The following HTR2C variants were observed in gnomAD, a reference collection of about 807,000 sequenced individuals.
HTR2C encodes the protein 5-hydroxytryptamine receptor 2C, also known as 5-hydroxytryptamine (serotonin) receptor 2C, G protein-coupled.
A neutral mutation model predicts 21.0 loss-of-function variants in HTR2C; 5 were observed. The ratio of observed to expected loss-of-function variants is 0.24; its 90% CI spans 0.12 to 0.50. The LOEUF (loss-of-function observed/expected upper bound fraction) is 0.50, where lower values mean the gene tolerates loss of function less well. Among genes scored for constraint, HTR2C ranks in the 20% least tolerant of loss-of-function variants. HTR2C has a pLI of 0.98. For synonymous variants in HTR2C, 150 were observed against 145.3 expected (o/e 1.03, Z -0.23); for missense variants, 271 against 371.2 (o/e 0.73, Z 2.22).
chrX:114,641,647 T>A (rs1161750020), intron 2 of HTR2C, among the ~76,000 whole-genome samples: 1 of 112,269 alleles, frequency 8.9e-6, no homozygotes, highest in East Asian at 2.8e-4. Context: ...CTCATTAAAA[T>A]TCAAATTGCT....
At chrX:114,649,691 C>T (rs1361285467) in intron 2 of HTR2C, among the ~76,000 whole-genome samples, 2 of 111,079 alleles carry the variant, frequency 1.8e-5, no homozygotes, top group Non-Finnish European at 3.8e-5. Flanking sequence ...TCTCGGCTCT[C>T]TGCAACCTCT....
chrX:114,589,905 G>A, intron 1 of HTR2C: 1 of 300,384 alleles, frequency 3.3e-6, no homozygotes, highest in Non-Finnish European at 6.2e-6. Flanking sequence ...GAAGAGATAA[G>A]AAGAGAAAGG....
At chrX:114,823,371 AT>A in intron 4 of HTR2C, 2 of 336,152 alleles carry the variant, frequency 5.9e-6, no homozygotes, top group South Asian at 5.2e-5. Context: ...TCATGACAGC[AT>A]TTACACAGAG....
intron 4 of HTR2C, among the ~76,000 whole-genome samples, chrX:114,788,572 G>T (rs2070201125): frequency 9.0e-6 from 1 of 110,858 alleles, no homozygotes; most frequent in South Asian, 3.8e-4. Flanking sequence ...CCATGAGTAT[G>T]GATTCTAATA....
intron 2 of HTR2C, among the ~76,000 whole-genome samples, chrX:114,644,642 T>C (rs1442429318): frequency 1.9e-5 from 2 of 107,571 alleles, no homozygotes; most frequent in Non-Finnish European, 3.8e-5. Flanking sequence ...CACCTACTTA[T>C]GGGATCTGAA....
chrX:114,609,577 A>G (rs782221791), intron 1 of HTR2C, among the ~76,000 whole-genome samples: 2 of 111,660 alleles, frequency 1.8e-5, no homozygotes, highest in Non-Finnish European at 3.8e-5. Flanking sequence ...TCTATTTGAC[A>G]TGACACAGTG....
intron 5 of HTR2C, among the ~76,000 whole-genome samples, chrX:114,859,625 A>G (rs1461841091): frequency 1.8e-5 from 2 of 109,677 alleles, no homozygotes; most frequent in African/African-American, 6.6e-5. Flanking sequence ...TTTTTTTTTA[A>G]CTTCTCCAAG....
intron 5 of HTR2C, among the ~76,000 whole-genome samples, chrX:114,850,373 C>T (rs1175356175): frequency 1.7e-4 from 19 of 110,938 alleles, no homozygotes; most frequent in South Asian, 3.7e-4. Context: ...CATGCCACTG[C>T]GCTCCAGCCT....
intron 4 of HTR2C, among the ~76,000 whole-genome samples, chrX:114,806,234 C>CAT (rs1158931508): frequency 4.2e-5 from 4 of 96,062 alleles, no homozygotes; most frequent in South Asian, 9.7e-4. Flanking sequence ...ATATATATAC[C>CAT]ATATATATAC....
At chrX:114,786,097 A>G (rs1008883398) in intron 4 of HTR2C, among the ~76,000 whole-genome samples, 1 of 112,509 alleles carries the variant, frequency 8.9e-6, no homozygotes, top group East Asian at 2.8e-4. Context: ...AAACTTAGTA[A>G]TCAGGGAAAT....
intron 2 of HTR2C, among the ~76,000 whole-genome samples, chrX:114,619,656 C>T (rs1929077844): frequency 1.8e-5 from 2 of 111,362 alleles, no homozygotes; most frequent in Non-Finnish European, 3.8e-5. Context: ...CATCAAAACA[C>T]GAGCTTAAAG....
At chrX:114,783,400 T>C (rs2070139874) in intron 4 of HTR2C, among the ~76,000 whole-genome samples, 1 of 111,888 alleles carries the variant, frequency 8.9e-6, no homozygotes, top group East Asian at 2.8e-4. Context: ...AACTTCATAG[T>C]TATACAAAGT....
intron 4 of HTR2C, among the ~76,000 whole-genome samples, chrX:114,840,676 C>A (rs1182489721): frequency 4.5e-5 from 5 of 111,389 alleles, no homozygotes; most frequent in African/African-American, 1.6e-4. Context: ...TCATGAAGCT[C>A]AGCAAATACC....
At chrX:114,774,295 C>G (rs1289331192) in intron 4 of HTR2C, among the ~76,000 whole-genome samples, 2 of 111,541 alleles carry the variant, frequency 1.8e-5, no homozygotes, top group Non-Finnish European at 3.8e-5. Context: ...GTACATGTCT[C>G]CCTAGTCAAT....
intron 5 of HTR2C, among the ~76,000 whole-genome samples, chrX:114,853,540 C>T (rs1237636142): frequency 1.8e-5 from 2 of 111,455 alleles, no homozygotes; most frequent in Admixed American, 1.9e-4. Flanking sequence ...CATACACATT[C>T]AATTTTAGTC....
chrX:114,867,585 C>T (rs1236808493), intron 5 of HTR2C, among the ~76,000 whole-genome samples: 1 of 111,384 alleles, frequency 9.0e-6, no homozygotes, highest in African/African-American at 3.3e-5. Context: ...TTTGCCCAGA[C>T]CAATGTCCTG....
At chrX:114,848,256 C>T (rs2147489385) in intron 5 of HTR2C, 53 bp downstream of exon 5, 1 of 907,762 alleles carries the variant, frequency 1.1e-6, no homozygotes, top group East Asian at 3.1e-5. Flanking sequence ...TCAATACTTT[C>T]GGATTATGTA....
chrX:114,824,316 T>C (rs2147462343), intron 4 of HTR2C, among the ~76,000 whole-genome samples: 1 of 111,917 alleles, frequency 8.9e-6, no homozygotes, highest in East Asian at 2.8e-4. Context: ...TTAAAAGTAA[T>C]GCAAAATCCA....
chrX:114,662,890 A>T (rs1556410399), intron 2 of HTR2C, among the ~76,000 whole-genome samples: 1 of 112,157 alleles, frequency 8.9e-6, no homozygotes, highest in Non-Finnish European at 1.9e-5. Context: ...TGTAAGTAAC[A>T]GAAAATCATG....
Sources: allele counts gnomAD v4.1 joint callset (sites outside exome capture counted in the v4.1 genomes callset), GRCh38; gene constraint gnomAD v4.1.1; transcripts MANE v1.5; gene names NCBI Gene and HGNC (gene_info 2026-07-23, HGNC 2026-07-21).